SNX3: variants seen among roughly 807,000 people sequenced by gnomAD.
SNX3 encodes the protein sorting nexin-3.
A neutral mutation model predicts 17.7 loss-of-function variants in SNX3; 5 were observed. That is an observed-to-expected ratio of 0.28 (90% CI 0.15 to 0.59). The LOEUF (loss-of-function observed/expected upper bound fraction) is 0.59. SNX3 is among the 20% of genes least tolerant of loss of function. The pLI is 0.88. For missense variants in SNX3, 132 were observed against 206.8 expected (o/e 0.64, Z 2.22); for synonymous variants, 91 against 76.5 (o/e 1.19, Z -0.99).
intron 1 of SNX3, among the ~76,000 whole-genome samples, chr6:108,255,873 G>C (rs911540469): frequency 5.3e-5 from 8 of 152,150 alleles, no homozygotes; most frequent in Non-Finnish European, 2.9e-5. Context: ...TTAGCACCTT[G>C]TCAAAATTTT....
chr6:108,231,555 G>T (rs1419547926), intron 1 of SNX3, among the ~76,000 whole-genome samples: 1 of 152,220 alleles, frequency 6.6e-6, no homozygotes, highest in Non-Finnish European at 1.5e-5. Flanking sequence ...CTAAATGGCA[G>T]GAGTGTTGAT....
chr6:108,260,891 G>A lies in SNX3; in HGVS notation c.31C>T (p.Leu11=), dbSNP rs1391286462. 1 of 1,609,102 alleles carries A rather than the reference G, an allele frequency of 6.2e-7. No individual in the cohort carries two copies. Among genetic ancestry groups the A allele is most frequent in the East Asian group, 2.3e-5 (1 of 44,062 alleles). The change falls in exon 1 of 4, where the codon CTG becomes TTG. Residue 11 remains leucine, a synonymous_variant. Transcript: ENST00000230085. MAETVADTRR[L]ITKPQNLNDA... is the part of the protein sequence containing the mutation. ...TTCAGGTTCTGCGGCTTGGTGATCA[G>A]CCGCCGGGTGTCAGCCACGGTCTCC... is the stretch of plus-strand genomic sequence containing the variant.
At chr6:108,258,768 C>A (rs1293624427) in intron 1 of SNX3, among the ~76,000 whole-genome samples, 1 of 152,014 alleles carries the variant, frequency 6.6e-6, no homozygotes, top group East Asian at 1.9e-4. Flanking sequence ...CTCAGCCTCC[C>A]AAAGTGCTGG....
Position 108,212,083 on chromosome 6 carries a change from T to A in SNX3, c.*66A>T. 1.2e-6 allele frequency: 1 copy of A among 809,618 alleles called. No homozygotes were observed. Among genetic ancestry groups the A allele is most frequent in the Non-Finnish European group, 2.0e-6 (1 of 490,112 alleles). 50.2% of individuals were successfully genotyped at this position (809,618 alleles called of 1,614,324 possible). On this transcript the variant is annotated 3_prime_UTR_variant, in exon 4 of 4. Coordinates refer to ENST00000230085, the MANE Select transcript of SNX3 (RefSeq NM_003795.6). ...CAGTTTCTGTGCAGCATGCTAAAAG[T>A]TAGAACTTCTTCACTGGTGCTTATC...
intron 1 of SNX3, among the ~76,000 whole-genome samples, chr6:108,242,346 C>T (rs950490032): frequency 3.9e-5 from 6 of 152,116 alleles, no homozygotes; most frequent in Non-Finnish European, 5.9e-5. Flanking sequence ...GTAGGATAAA[C>T]ACAAAGAGAT....
In SNX3 at chr6:108,211,913, A is replaced by G. The variant is rs1774417433; in HGVS notation, c.*236T>C. On this transcript the variant is annotated 3_prime_UTR_variant, in exon 4 of 4. Transcript: ENST00000230085. ...ACAGGTTTGTGAGGCTATAGTGTGC[A>G]CCACATTAAAACAGCAAGAAAGAGC... is the stretch of plus-strand genomic sequence containing the variant. 5.0e-6 allele frequency: 2 copies of G among 397,726 alleles called. No homozygotes were observed. The highest frequency in any genetic ancestry group is 2.1e-5 in the African/African-American group (1 of 47,092). The allele number at this position is 397,726 out of a possible 1,614,324, so 24.6% of individuals were successfully genotyped here.
intron 3 of SNX3, among the ~76,000 whole-genome samples, chr6:108,212,774 CT>C (rs1321301747): frequency 4.0e-5 from 6 of 151,888 alleles, no homozygotes; most frequent in African/African-American, 1.5e-4. Flanking sequence ...TTTTTCACTG[CT>C]TGTGGCACAT....
At chr6:108,250,055 G>C (rs911642667) in intron 1 of SNX3, among the ~76,000 whole-genome samples, 28 of 151,986 alleles carry the variant, frequency 1.8e-4, no homozygotes, top group African/African-American at 6.8e-4. Flanking sequence ...GGACTAGAGG[G>C]GCACGCCACC....
At chr6:108,227,626 T>C (rs763211835) in intron 1 of SNX3, among the ~76,000 whole-genome samples, 2 of 152,138 alleles carry the variant, frequency 1.3e-5, no homozygotes, top group African/African-American at 2.4e-5. Flanking sequence ...CCTTTAGTTT[T>C]CTTAACTGGT....
At chr6:108,221,398 C>A (rs1275712450) in intron 2 of SNX3, among the ~76,000 whole-genome samples, 1 of 151,778 alleles carries the variant, frequency 6.6e-6, no homozygotes, top group African/African-American at 2.4e-5. Context: ...AAGAGGGGAC[C>A]TTAATTTGTT....
intron 2 of SNX3, among the ~76,000 whole-genome samples, chr6:108,217,899 C>T (rs1410085118): frequency 6.6e-6 from 1 of 151,980 alleles, no homozygotes; most frequent in Non-Finnish European, 1.5e-5. Flanking sequence ...AAGATCTGAC[C>T]ATAATACATG....
At chr6:108,212,342 T>C in intron 3 of SNX3, 88 bp from the exon 4 acceptor site, 3 of 933,712 alleles carry the variant, frequency 3.2e-6, no homozygotes. Context: ...GAAGCATGTA[T>C]AATTTTTTTT....
At chr6:108,248,916 A>C (rs1005060401) in intron 1 of SNX3, among the ~76,000 whole-genome samples, 2 of 152,148 alleles carry the variant, frequency 1.3e-5, no homozygotes, top group African/African-American at 2.4e-5. Context: ...ATGCATCACC[A>C]CACCCAGCTT....
Position 108,235,623 on chromosome 6 carries a change from C to T in SNX3, c.163-12578G>A, listed in dbSNP as rs188401136. Reference sequence around the variant, plus strand: ...AAAGTACATAGACTTGGGCCAGGCACGGTGGCTCACACCTGTAATCCCAGC... The same window carrying T: ...AAAGTACATAGACTTGGGCCAGGCATGGTGGCTCACACCTGTAATCCCAGC... On this transcript the variant is annotated intron_variant, in intron 1 of 3. Coordinates refer to ENST00000230085, the MANE Select transcript of SNX3 (RefSeq NM_003795.6). Among the ~76,000 whole-genome samples, 46 of 152,268 alleles carry T rather than the reference C, an allele frequency of 3.0e-4. 1 individual carries two copies. The highest frequency in any genetic ancestry group is 2.7e-3 in the Admixed American group (41 of 15,294).
intron 1 of SNX3, among the ~76,000 whole-genome samples, chr6:108,253,907 C>T (rs1034626034): frequency 1.3e-5 from 2 of 151,926 alleles, no homozygotes; most frequent in Non-Finnish European, 2.9e-5. Flanking sequence ...GGGTGGATCA[C>T]GAGGTCAGGA....
chr6:108,251,874 C>A (rs1233180824), intron 1 of SNX3, among the ~76,000 whole-genome samples: 1 of 151,936 alleles, frequency 6.6e-6, no homozygotes, highest in African/African-American at 2.4e-5. Context: ...CCAGCCTGGG[C>A]AACACGATGA....
rs1406076246 is a variant in SNX3 at position 108,260,740 on chromosome 6, G to A, written c.162+20C>T. On this transcript the variant is annotated intron_variant, in intron 1 of 3. Transcript: ENST00000230085. Reference sequence around the variant, plus strand: ...AGCCAGCGGGAGGGGTTTCTTGGGAGAGGGGAGAGACGGCCTCACCTTGAC... The same window carrying A: ...AGCCAGCGGGAGGGGTTTCTTGGGAAAGGGGAGAGACGGCCTCACCTTGAC... The A allele has an allele frequency of 6.2e-7, 1 of 1,613,330 alleles. No individual in the cohort carries two copies. Among genetic ancestry groups the A allele is most frequent in the Non-Finnish European group, 8.5e-7 (1 of 1,179,520 alleles).
intron 1 of SNX3, among the ~76,000 whole-genome samples, chr6:108,225,239 G>C (rs887635241): frequency 6.6e-6 from 1 of 151,402 alleles, no homozygotes; most frequent in African/African-American, 2.4e-5. Context: ...CCGAGATCGC[G>C]CCACTGCACT....
At chr6:108,246,555 C>A (rs559131383) in intron 1 of SNX3, among the ~76,000 whole-genome samples, 1 of 151,262 alleles carries the variant, frequency 6.6e-6, no homozygotes, top group Admixed American at 6.6e-5. Flanking sequence ...GTCTCAAACT[C>A]CTGATCTCTG....
Sources: allele counts gnomAD v4.1 joint callset (sites outside exome capture counted in the v4.1 genomes callset), GRCh38; gene constraint gnomAD v4.1.1; transcripts MANE v1.5; gene names NCBI Gene and HGNC (gene_info 2026-07-23, HGNC 2026-07-21).